Variants in SLC35F3 observed in about 807,000 individuals in gnomAD.
SLC35F3 encodes putative thiamine transporter SLC35F3.
In SLC35F3, 25 loss-of-function variants were observed where a neutral mutation model predicts 49.9. The observed-to-expected ratio is 0.50, with a 90% CI of 0.37 to 0.70. SLC35F3 has a LOEUF of 0.70. SLC35F3 is among the 30% of genes least tolerant of loss of function. The probability of loss-of-function intolerance (pLI) is 0.00; values close to 1 mark genes in which losing one functional copy is unlikely to be tolerated. For missense variants in SLC35F3, 525 were observed against 639.8 expected, an observed-to-expected ratio of 0.82 and a Z score of 1.94; for synonymous variants, 275 against 265.4, an observed-to-expected ratio of 1.04 and a Z score of -0.35.
intron 2 of SLC35F3, among the ~76,000 whole-genome samples, chr1:234,140,002 A>AAAAAATAAAATAAAATAAAAAAAT: frequency 9.5e-6 from 1 of 105,368 alleles, no homozygotes. Flanking sequence ...AATAAAATAA[A>AAAAAATAAAATAAAATAAAAAAAT]GTAAGTGACT....
intron 3 of SLC35F3, among the ~76,000 whole-genome samples, chr1:234,278,728 A>G (rs1315607051): frequency 6.6e-6 from 1 of 152,046 alleles, no homozygotes; most frequent in Admixed American, 6.6e-5. Flanking sequence ...ATGAGGACCT[A>G]TTTCCCGGTT....
rs142660996 is a variant in SLC35F3, at chr1:233,971,292, C to T, written c.283+65534C>T. Among the ~76,000 whole-genome samples, 169 of 152,266 alleles carry T rather than the reference C, an allele frequency of 1.1e-3. 1 individual carries two copies. The highest frequency in any genetic ancestry group is 2.3e-3 in the South Asian group (11 of 4,818). On this transcript the variant is annotated intron_variant, in intron 2 of 7. Transcript: ENST00000366618. ...CTCCGACTAAAACTGAACCTCATTACGAAGGAGAAGAACCACTTCTGAGAG... is the reference window on the plus strand; with the variant it reads ...CTCCGACTAAAACTGAACCTCATTATGAAGGAGAAGAACCACTTCTGAGAG...
At chr1:234,179,113 C>T (rs1029595503) in intron 2 of SLC35F3, among the ~76,000 whole-genome samples, 1 of 152,154 alleles carries the variant, frequency 6.6e-6, no homozygotes, top group Non-Finnish European at 1.5e-5. Flanking sequence ...GCCTCCTTCA[C>T]GACTCTGTTT....
chr1:234,084,953 A>G (rs1664939898), intron 2 of SLC35F3, among the ~76,000 whole-genome samples: 1 of 152,258 alleles, frequency 6.6e-6, no homozygotes, highest in Admixed American at 6.5e-5. Context: ...GGATTCAACC[A>G]TTAAAAGGAA....
chr1:234,039,886 C>T (rs1572029109), intron 2 of SLC35F3, among the ~76,000 whole-genome samples: 1 of 152,168 alleles, frequency 6.6e-6, no homozygotes, highest in Admixed American at 6.5e-5. Context: ...CTCTTAGTTC[C>T]GCCATCCACA....
At chr1:233,956,324 C>T (rs1662701589) in intron 2 of SLC35F3, among the ~76,000 whole-genome samples, 1 of 151,662 alleles carries the variant, frequency 6.6e-6, no homozygotes, top group East Asian at 1.9e-4. Flanking sequence ...CCTCTTCATA[C>T]ACACACACAC....
At chr1:234,293,991 T>C (rs968287273) in intron 3 of SLC35F3, among the ~76,000 whole-genome samples, 12 of 152,208 alleles carry the variant, frequency 7.9e-5, no homozygotes, top group African/African-American at 2.9e-4. Context: ...GTTATGTCTC[T>C]TCAGTTTGAA....
intron 2 of SLC35F3, among the ~76,000 whole-genome samples, chr1:234,017,877 A>G (rs1663828136): frequency 6.6e-6 from 1 of 151,970 alleles, no homozygotes; most frequent in South Asian, 2.1e-4. Context: ...ACTACAACTC[A>G]TGTCTCAAGG....
At chr1:233,907,547 C>T (rs1029693298) in intron 2 of SLC35F3, among the ~76,000 whole-genome samples, 5 of 152,190 alleles carry the variant, frequency 3.3e-5, no homozygotes, top group African/African-American at 1.2e-4. Flanking sequence ...GCTCATTCCA[C>T]TCTCTCTATT....
At chr1:234,152,766 T>G (rs1666094589) in intron 2 of SLC35F3, among the ~76,000 whole-genome samples, 1 of 152,152 alleles carries the variant, frequency 6.6e-6, no homozygotes, top group Admixed American at 6.5e-5. Flanking sequence ...CTGGGTAAAA[T>G]GGTATTTCTG....
At chr1:234,006,178 C>T (rs80309361) in intron 2 of SLC35F3, among the ~76,000 whole-genome samples, 3 of 152,196 alleles carry the variant, frequency 2.0e-5, no homozygotes, top group Non-Finnish European at 2.9e-5. Flanking sequence ...AGTGACATCA[C>T]TCTTCTCAAG....
chr1:234,257,299 A>C (rs1376029591), intron 3 of SLC35F3, among the ~76,000 whole-genome samples: 2 of 152,158 alleles, frequency 1.3e-5, no homozygotes, highest in Non-Finnish European at 2.9e-5. Flanking sequence ...TTCTCTTTTA[A>C]ACCCTCTTTG....
chr1:234,102,337 G>T (rs1358236638), intron 2 of SLC35F3, among the ~76,000 whole-genome samples: 1 of 152,058 alleles, frequency 6.6e-6, no homozygotes, highest in Non-Finnish European at 1.5e-5. Flanking sequence ...TTTTGGGGAG[G>T]TGTGTGTGTG....
Position 234,323,054 on chromosome 1 carries a change from C to A in SLC35F3, c.1284C>A (p.Val428=). Residue 428 remains valine (V), a synonymous_variant, in exon 8 of 8, where the codon GTC becomes GTA. Transcript: ENST00000366618. The surrounding 1 kb of genome is among the most constrained non-coding windows in gnomAD (Gnocchi z 4.5). ...AGATCGTCTTCAATGGGGTCCGGGT[C>A]ATCGCCATCATCATCATCGGCCTGG... ...TSQIVFNGVR[V]IAIIIIGLGF... 6.2e-7 allele frequency: 1 copy of A among 1,614,106 alleles called. No homozygotes were observed. Among genetic ancestry groups the A allele is most frequent in the South Asian group, 1.1e-5 (1 of 91,066 alleles).
chr1:234,290,683 C>T (rs1312453503), intron 3 of SLC35F3, among the ~76,000 whole-genome samples: 1 of 152,196 alleles, frequency 6.6e-6, no homozygotes, highest in Non-Finnish European at 1.5e-5. Flanking sequence ...TCATCAGGAC[C>T]ACTTAGAAAA....
chr1:234,295,529 C>T (rs1010360206), intron 3 of SLC35F3, among the ~76,000 whole-genome samples: 4 of 152,096 alleles, frequency 2.6e-5, no homozygotes, highest in African/African-American at 7.2e-5. Flanking sequence ...GAGTGCTGCT[C>T]GCCCAAGGTC....
chr1:233,978,941 C>G (rs1663135100), intron 2 of SLC35F3, among the ~76,000 whole-genome samples: 1 of 151,616 alleles, frequency 6.6e-6, no homozygotes. Context: ...GAGGCTGAGG[C>G]AGGAGAATCG....
intron 2 of SLC35F3, among the ~76,000 whole-genome samples, chr1:234,224,577 C>T (rs866158387): frequency 4.6e-5 from 7 of 152,224 alleles, no homozygotes; most frequent in African/African-American, 1.2e-4. Context: ...CCTGAAGTCC[C>T]TCTTTAGTGA....
chr1:234,093,942 A>G (rs1665082227), intron 2 of SLC35F3, among the ~76,000 whole-genome samples: 1 of 152,230 alleles, frequency 6.6e-6, no homozygotes, highest in South Asian at 2.1e-4. Context: ...CCAGATGCAA[A>G]CACATTGGCC....
Sources: gnomAD v4.1 joint callset for allele counts (sites outside exome capture counted in the v4.1 genomes callset) on GRCh38, gnomAD v4.1.1 for gene constraint, Gnocchi (gnomAD v3.1) non-coding constraint, MANE v1.5 for transcripts, NCBI Gene and HGNC (gene_info 2026-07-23, HGNC 2026-07-21) for gene names.